Variants in SNX14 observed in about 807,000 individuals in gnomAD.
SNX14 encodes sorting nexin 14.
In SNX14, 93 loss-of-function variants were observed where a neutral mutation model predicts 133.8. The observed-to-expected ratio is 0.70, with a 90% CI of 0.59 to 0.83. The LOEUF (loss-of-function observed/expected upper bound fraction) is 0.83, where lower values mean the gene tolerates loss of function less well. SNX14 is among the 40% of genes least tolerant of loss of function. The pLI, the probability that SNX14 is intolerant of heterozygous loss-of-function variation, is 0.00. For synonymous variants in SNX14, 368 were observed against 365.6 expected, an observed-to-expected ratio of 1.01 and a Z score of -0.07; for missense variants, 945 against 1,094.9, an observed-to-expected ratio of 0.86 and a Z score of 1.93.
At chr6:85,529,319 G>A (rs1254677618) in intron 19 of SNX14, among the ~76,000 whole-genome samples, 3 of 150,118 alleles carry the variant, frequency 2.0e-5, no homozygotes, top group South Asian at 2.1e-4. Context: ...ACAAGGAAAC[G>A]AAGAAGAAAG....
chr6:85,552,940 C>T (rs533747176), intron 7 of SNX14, among the ~76,000 whole-genome samples: 1 of 152,332 alleles, frequency 6.6e-6, no homozygotes. Context: ...CTTGTAAGCC[C>T]TCACTCACTT....
intron 6 of SNX14, among the ~76,000 whole-genome samples, chr6:85,564,197 G>C (rs1045809167): frequency 6.6e-6 from 1 of 152,180 alleles, no homozygotes. Flanking sequence ...TTGGTTCCAA[G>C]TCTTTGCTAT....
At chr6:85,513,704 C>T (rs1272606451) in intron 26 of SNX14, 96 bp downstream of exon 26, 2 of 862,818 alleles carry the variant, frequency 2.3e-6, no homozygotes, top group African/African-American at 1.7e-5. Context: ...AAAATGAAAA[C>T]TCACAGTAAA....
chr6:85,542,315 G>C (rs748377077), intron 14 of SNX14, among the ~76,000 whole-genome samples: 5 of 152,146 alleles, frequency 3.3e-5, no homozygotes, highest in Non-Finnish European at 5.9e-5. Flanking sequence ...AGACCTATTT[G>C]GTCCCAATCT....
intron 1 of SNX14, among the ~76,000 whole-genome samples, chr6:85,586,716 G>A (rs938806971): frequency 1.3e-5 from 2 of 151,478 alleles, no homozygotes; most frequent in African/African-American, 4.9e-5. Context: ...AGTTAGCTAG[G>A]ACCATAGGCT....
In SNX14 at chr6:85,543,230, A is replaced by C; in HGVS notation, c.1341T>G (p.Leu447=). The C allele has an allele frequency of 6.2e-7, 1 of 1,603,480 alleles. No individual in the cohort carries two copies. Among genetic ancestry groups the C allele is most frequent in the Non-Finnish European group, 8.5e-7 (1 of 1,175,822 alleles). The change falls in exon 14 of 29, where the codon CTT becomes CTG. Residue 447 remains leucine, a synonymous_variant. Coordinates refer to ENST00000314673, the MANE Select transcript of SNX14 (RefSeq NM_153816.6). ...RCLFEAYEHV[L]SLLENVFTPM... is the part of the protein sequence containing the mutation. ...GAGTAAATACATTCTCCAAAAGGGA[A>C]AGAACATGTTCATATGCTTCAAAAA...
At chr6:85,581,287 G>C (rs546478961) in intron 1 of SNX14, 1 of 152,328 alleles carries the variant, frequency 6.6e-6, no homozygotes, top group African/African-American at 2.4e-5. Flanking sequence ...TACTAGGCTT[G>C]CAGTACCCCT....
At chr6:85,561,339 C>A (rs1791509783) in intron 6 of SNX14, 1 of 151,004 alleles carries the variant, frequency 6.6e-6, no homozygotes, top group Non-Finnish European at 1.5e-5. Context: ...TAAAGTGAAA[C>A]CCTGTCTCAA....
intron 21 of SNX14, among the ~76,000 whole-genome samples, chr6:85,519,376 G>A (rs1776071397): frequency 6.6e-6 from 1 of 152,208 alleles, no homozygotes; most frequent in Non-Finnish European, 1.5e-5. Context: ...CTCCACGCCT[G>A]TAAGTCCAAC....
At chr6:85,590,299 A>ATTT (rs1320940533) in intron 1 of SNX14, among the ~76,000 whole-genome samples, 3 of 152,162 alleles carry the variant, frequency 2.0e-5, no homozygotes, top group Non-Finnish European at 4.4e-5. Flanking sequence ...TCCTGCCTTA[A>ATTT]ATCCTGGTGC....
intron 21 of SNX14, among the ~76,000 whole-genome samples, chr6:85,519,697 C>T (rs374742239): frequency 5.9e-5 from 9 of 152,032 alleles, no homozygotes; most frequent in African/African-American, 1.7e-4. Context: ...GGTGAAACCC[C>T]GTCTCTTCTA....
At chr6:85,569,192 C>A (rs1043460417) in intron 4 of SNX14, among the ~76,000 whole-genome samples, 1 of 152,136 alleles carries the variant, frequency 6.6e-6, no homozygotes, top group Non-Finnish European at 1.5e-5. Flanking sequence ...GAACTCCCGA[C>A]CTTAGGTGAT....
intron 26 of SNX14, among the ~76,000 whole-genome samples, chr6:85,509,372 T>C (rs1472747119): frequency 6.6e-6 from 1 of 152,112 alleles, no homozygotes; most frequent in Non-Finnish European, 1.5e-5. Flanking sequence ...CTACAGAAAA[T>C]TTACTCAAAA....
Position 85,513,871 on chromosome 6 carries a change from TCA to T in SNX14, c.2580_2581del (p.Glu861ThrfsTer7). The T allele has an allele frequency of 6.2e-7, 1 of 1,612,592 alleles. No individual in the cohort carries two copies. Among genetic ancestry groups the T allele is most frequent in the South Asian group, 1.1e-5 (1 of 90,718 alleles). ...TTGCTTATCTTGGAGAGAGCGAGGT[TCA>T]GTGTTTTCACAGAATATAGCATCTA... On this transcript the variant is annotated frameshift_variant, in exon 26 of 29. Transcript: ENST00000314673. LOFTEE classifies it high-confidence loss of function.
chr6:85,521,599 T>C (rs1174239344), intron 21 of SNX14, among the ~76,000 whole-genome samples: 2 of 152,220 alleles, frequency 1.3e-5, no homozygotes, highest in African/African-American at 4.8e-5. Context: ...TTTCCTCCCA[T>C]TCTACAGGTT....
intron 9 of SNX14, among the ~76,000 whole-genome samples, chr6:85,548,018 C>G (rs1786300951): frequency 6.6e-6 from 1 of 152,112 alleles, no homozygotes; most frequent in Non-Finnish European, 1.5e-5. Flanking sequence ...ACTTATGATT[C>G]CACTTATATG....
chr6:85,552,573 T>C (rs1562312669), intron 7 of SNX14, among the ~76,000 whole-genome samples: 1 of 152,152 alleles, frequency 6.6e-6, no homozygotes, highest in African/African-American at 2.4e-5. Context: ...GTGAATAACC[T>C]GCTAAACAAG....
intron 7 of SNX14, among the ~76,000 whole-genome samples, chr6:85,555,375 C>T (rs553439247): frequency 7.9e-5 from 12 of 152,176 alleles, no homozygotes; most frequent in South Asian, 2.1e-4. Flanking sequence ...GCGGTATATC[C>T]GTACAATGGA....
At chr6:85,583,093 C>T (rs970286636) in intron 1 of SNX14, among the ~76,000 whole-genome samples, 2 of 152,166 alleles carry the variant, frequency 1.3e-5, no homozygotes, top group Admixed American at 6.5e-5. Context: ...GAATGCAAGG[C>T]TGGTTCAACA....
Sources: allele counts gnomAD v4.1 joint callset (sites outside exome capture counted in the v4.1 genomes callset), GRCh38; gene constraint gnomAD v4.1.1; transcripts MANE v1.5; gene names NCBI Gene and HGNC (gene_info 2026-07-23, HGNC 2026-07-21).